NOVA2: variants seen among roughly 807,000 people sequenced by gnomAD.
The protein encoded by NOVA2 is RNA-binding protein Nova-2.
NOVA2 carries 9 observed loss-of-function variants against 22.5 expected under a neutral mutation model. That is an observed-to-expected ratio of 0.40 (90% CI 0.24 to 0.70). The LOEUF (loss-of-function observed/expected upper bound fraction) is 0.70, where lower values mean the gene tolerates loss of function less well. Among genes scored for constraint, NOVA2 ranks in the 30% least tolerant of loss-of-function variants. The probability of loss-of-function intolerance (pLI) is 0.38; values close to 1 mark genes in which losing one functional copy is unlikely to be tolerated. For synonymous variants in NOVA2, 318 were observed against 335.2 expected (o/e 0.95, Z 0.56); for missense variants, 383 against 682.8 (o/e 0.56, Z 4.89).
chr19:45,961,322 G>A (rs529991637), intron 1 of NOVA2, among the ~76,000 whole-genome samples, 169 bp from the exon 2 acceptor site: 2 of 152,172 alleles, frequency 1.3e-5, no homozygotes, highest in African/African-American at 2.4e-5. Flanking sequence ...CACCTGCTAC[G>A]TGCCTGGCAC....
intron 1 of NOVA2, among the ~76,000 whole-genome samples, chr19:45,964,028 C>T (rs1361980407): frequency 1.3e-5 from 2 of 152,062 alleles, no homozygotes; most frequent in Non-Finnish European, 2.9e-5. Flanking sequence ...AAAACTTGAA[C>T]AGCACATACT....
intron 1 of NOVA2, among the ~76,000 whole-genome samples, chr19:45,972,011 GAC>G (rs145832006): frequency 6.6e-6 from 1 of 151,712 alleles, no homozygotes; most frequent in Non-Finnish European, 1.5e-5. Flanking sequence ...AATACACACG[GAC>G]ACACACACAG....
chr19:45,940,179 G>C lies in NOVA2; in HGVS notation c.1163C>G (p.Ala388Gly). ...CGTCAGGAAGCCCCCGGCCGCCCCG[G>C]CCGCGGCTGCAGCGGCCACCAGCGG... ...GGPLVAAAAA[A>G]GAAGGFLTAE... Residue 388 changes from alanine (A) to glycine (G), a missense_variant, in exon 4 of 4, where the codon GCC becomes GGC. Physicochemically the swap from Ala to Gly is moderately conservative, Grantham distance 60. Around this residue, in one of 2 missense-constraint regions of NOVA2, gnomAD observed 349 missense variants for 578.1 expected, o/e 0.60. Coordinates refer to ENST00000263257, the MANE Select transcript of NOVA2 (RefSeq NM_002516.4). 2 of 1,588,388 alleles carry C rather than the reference G, an allele frequency of 1.3e-6. No individual in the cohort carries two copies. The highest frequency in any genetic ancestry group is 3.4e-5 in the Admixed American group (2 of 58,892).
chr19:45,965,103 A>G (rs994819593), intron 1 of NOVA2, among the ~76,000 whole-genome samples: 10 of 152,054 alleles, frequency 6.6e-5, no homozygotes, highest in Non-Finnish European at 1.0e-4. Context: ...ATTCTCTTCC[A>G]TGGACTCACG....
At chr19:45,958,493 G>A (rs1968042640) in intron 2 of NOVA2, among the ~76,000 whole-genome samples, 1 of 148,342 alleles carries the variant, frequency 6.7e-6, no homozygotes, top group Non-Finnish European at 1.5e-5. Context: ...GTGTGAATGA[G>A]TGTGAGTGTG....
chr19:45,943,588 C>T (rs985808283), intron 3 of NOVA2, among the ~76,000 whole-genome samples: 5 of 151,642 alleles, frequency 3.3e-5, no homozygotes, highest in African/African-American at 1.2e-4. Flanking sequence ...CCTGGTGGCA[C>T]ATGCCTGTAG....
intron 2 of NOVA2, among the ~76,000 whole-genome samples, chr19:45,958,586 A>T (rs1196550636): frequency 6.7e-6 from 1 of 148,696 alleles, no homozygotes; most frequent in Non-Finnish European, 1.5e-5. Context: ...AGTGTGAATG[A>T]GTGTGTGTGA....
intron 3 of NOVA2, among the ~76,000 whole-genome samples, chr19:45,951,396 C>A (rs1967922731): frequency 6.6e-6 from 1 of 152,132 alleles, no homozygotes; most frequent in Non-Finnish European, 1.5e-5. Context: ...GAAGGCAGAT[C>A]ACCTGAGGTC....
chr19:45,945,177 T>G (rs1034799928), intron 3 of NOVA2, among the ~76,000 whole-genome samples: 1 of 151,924 alleles, frequency 6.6e-6, no homozygotes, highest in Non-Finnish European at 1.5e-5. Flanking sequence ...TGCAGTGGTG[T>G]GCACCTGTCG....
chr19:45,958,406 TGG>T (rs1968038775), intron 2 of NOVA2, among the ~76,000 whole-genome samples: 1 of 149,818 alleles, frequency 6.7e-6, no homozygotes, highest in Non-Finnish European at 1.5e-5. Flanking sequence ...TGTGTGTGAG[TGG>T]GGTGTGTGTG....
intron 3 of NOVA2, among the ~76,000 whole-genome samples, chr19:45,946,218 C>T (rs1396917513): frequency 2.6e-5 from 4 of 152,046 alleles, no homozygotes; most frequent in Non-Finnish European, 4.4e-5. Context: ...GGGAGGATGG[C>T]TTGAGCCCAA....
At position 45,953,979 on chromosome 19, in the gene NOVA2, T is replaced by A. The variant is rs772756091; in HGVS notation, c.230-33A>T. Reference sequence around the variant, plus strand: ...GCAAGGGAGAGAGAGGGCACACTCATGAGACAGGAATGGGAACATTCCTGA... The same window carrying A: ...GCAAGGGAGAGAGAGGGCACACTCAAGAGACAGGAATGGGAACATTCCTGA... On this transcript the variant is annotated intron_variant, in intron 2 of 3. Coordinates refer to ENST00000263257, the MANE Select transcript of NOVA2 (RefSeq NM_002516.4). The A allele has an allele frequency of 1.4e-5, 23 of 1,610,092 alleles. No homozygotes were observed. In the East Asian group the frequency reaches 4.9e-4, roughly 34 times the overall value.
chr19:45,942,134 C>T (rs759487374), intron 3 of NOVA2, among the ~76,000 whole-genome samples: 9 of 152,220 alleles, frequency 5.9e-5, no homozygotes, highest in Non-Finnish European at 8.8e-5. Flanking sequence ...ACATGGTCTT[C>T]TCGTTGAACT....
At position 45,961,103 on chromosome 19, in the gene NOVA2, A is replaced by G; in HGVS notation, c.136T>C (p.Ser46Pro). Residue 46 changes from serine (S) to proline (P), a missense_variant, in exon 2 of 4, where the codon TCC becomes CCC. Transcript: ENST00000263257. ...KVLIPSYAAG[S>P]IIGKGGQTIV... ...GTCTGCCCGCCCTTGCCAATGATGGAGCCCGCCGCGTAGCTGGGGATCAGC... is the reference window on the plus strand; with the variant it reads ...GTCTGCCCGCCCTTGCCAATGATGGGGCCCGCCGCGTAGCTGGGGATCAGC... The G allele has an allele frequency of 6.3e-7, 1 of 1,593,624 alleles. No homozygotes were observed. The highest frequency in any genetic ancestry group is 8.5e-7 in the Non-Finnish European group (1 of 1,170,230).
chr19:45,953,770 C>T lies in NOVA2; in HGVS notation c.396+10G>A. 6.2e-7 allele frequency: 1 copy of T among 1,614,086 alleles called. No homozygotes were observed. The highest frequency in any genetic ancestry group is 1.1e-5 in the South Asian group (1 of 91,060). On this transcript the variant is annotated intron_variant, in intron 3 of 3. Coordinates refer to ENST00000263257, the MANE Select transcript of NOVA2 (RefSeq NM_002516.4). ...AGCTTTACAGCAACCCAGTCTCTGCCCCAGCTGACCTGCTTGGCTCTGTCG... is the reference window on the plus strand; with the variant it reads ...AGCTTTACAGCAACCCAGTCTCTGCTCCAGCTGACCTGCTTGGCTCTGTCG...
chr19:45,964,561 A>ATCTCTCTCTCTCTC (rs141748431), intron 1 of NOVA2, among the ~76,000 whole-genome samples: 13,620 of 136,908 alleles, frequency 0.099, 823 homozygotes, highest in Middle Eastern at 0.16. Flanking sequence ...ACACTCTCTG[A>ATCTCTCTCTCTCTC]TCTCTCTCTC....
Position 45,961,085 on chromosome 19 carries a change from C to A in NOVA2, c.154G>T (p.Gly52Trp). 1 of 1,589,812 alleles carries A rather than the reference C, an allele frequency of 6.3e-7. No individual in the cohort carries two copies. The highest frequency in any genetic ancestry group is 2.3e-5 in the East Asian group (1 of 43,940). ...TTCTGCAGCTGCACGATGGTCTGCC[C>A]GCCCTTGCCAATGATGGAGCCCGCC... ...YAAGSIIGKG[G>W]QTIVQLQKET... Residue 52 changes from glycine (G) to tryptophan (W), a missense_variant, in exon 2 of 4, where the codon GGG becomes TGG. By Grantham distance (184) the Gly-to-Trp change is radical (BLOSUM62 -2). Coordinates refer to ENST00000263257, the MANE Select transcript of NOVA2 (RefSeq NM_002516.4).
In NOVA2 at chr19:45,935,489, C is replaced by T. The variant is rs1421612845; in HGVS notation, c.*4374G>A. Reference sequence around the variant, plus strand: ...TGCCCCAGCTTGGGTATCGCGATCCCGTTCTCCCCATCGTGACATCCAGTC... The same window carrying T: ...TGCCCCAGCTTGGGTATCGCGATCCTGTTCTCCCCATCGTGACATCCAGTC... On this transcript the variant is annotated 3_prime_UTR_variant, in exon 4 of 4. Transcript: ENST00000263257. 2 of 152,166 alleles carry T rather than the reference C, an allele frequency of 1.3e-5. No individual in the cohort carries two copies. The highest frequency in any genetic ancestry group is 2.9e-5 in the Non-Finnish European group (2 of 68,042). The allele number at this position is 152,166 out of a possible 1,614,324, so 9.4% of individuals were successfully genotyped here.
chr19:45,955,454 A>G (rs1189048250), intron 2 of NOVA2, among the ~76,000 whole-genome samples: 1 of 152,110 alleles, frequency 6.6e-6, no homozygotes, highest in African/African-American at 2.4e-5. Context: ...AGAAAACTTG[A>G]CTGGTCAGTG....
Sources: gnomAD v4.1 joint callset for allele counts (sites outside exome capture counted in the v4.1 genomes callset) on GRCh38, gnomAD v4.1.1 for gene constraint, gnomAD v4.1.1 regional missense constraint, MANE v1.5 for transcripts, NCBI Gene and HGNC (gene_info 2026-07-23, HGNC 2026-07-21) for gene names.